The following DIAPH2 variants were observed in gnomAD, a reference collection of about 807,000 sequenced individuals.
The protein encoded by DIAPH2 is diaphanous related formin 2.
In DIAPH2, 35 loss-of-function variants were observed where a neutral mutation model predicts 92.7. The ratio of observed to expected loss-of-function variants is 0.38; its 90% CI spans 0.29 to 0.50. The LOEUF is 0.50. Ranked by LOEUF, DIAPH2 falls within the 20% of genes least tolerant of loss-of-function variation. The probability of loss-of-function intolerance (pLI) is 0.94; values close to 1 mark genes in which losing one functional copy is unlikely to be tolerated. For missense variants in DIAPH2, 701 were observed against 819.5 expected (o/e 0.86, Z 1.77); for synonymous variants, 301 against 280.4 (o/e 1.07, Z -0.73).
chrX:97,180,586 A>C (rs943844051), intron 22 of DIAPH2, among the ~76,000 whole-genome samples: 1 of 111,730 alleles, frequency 9.0e-6, no homozygotes, highest in Non-Finnish European at 1.9e-5. Context: ...GCCCATGCCT[A>C]TGTCCTGAAT....
chrX:97,352,360 C>A (rs917171982), intron 24 of DIAPH2, among the ~76,000 whole-genome samples: 1 of 110,835 alleles, frequency 9.0e-6, no homozygotes, highest in East Asian at 2.8e-4. Context: ...TGAAAGTAAA[C>A]AATTCAAATG....
intron 23 of DIAPH2, among the ~76,000 whole-genome samples, chrX:97,271,438 TGTC>T (rs1345608265): frequency 9.0e-6 from 1 of 111,714 alleles, no homozygotes; most frequent in East Asian, 2.8e-4. Context: ...CCAGAAGAAA[TGTC>T]GTAGTAAAAT....
chrX:97,309,529 T>C (rs2068776534), intron 23 of DIAPH2, among the ~76,000 whole-genome samples: 3 of 112,289 alleles, frequency 2.7e-5, no homozygotes, highest in South Asian at 7.4e-4. Flanking sequence ...CTTTGTCATA[T>C]AAGAACCTAA....
At chrX:97,033,344 G>A (rs1042770957) in intron 17 of DIAPH2, among the ~76,000 whole-genome samples, 3 of 111,351 alleles carry the variant, frequency 2.7e-5, no homozygotes, top group Non-Finnish European at 5.7e-5. Flanking sequence ...AGATAATAGC[G>A]TCAGAGATCA....
chrX:97,229,959 A>G (rs762988874), intron 22 of DIAPH2, among the ~76,000 whole-genome samples: 1 of 108,290 alleles, frequency 9.2e-6, no homozygotes, highest in Non-Finnish European at 1.9e-5. Flanking sequence ...TGTAAGAGCA[A>G]TGCATTAAGA....
intron 17 of DIAPH2, among the ~76,000 whole-genome samples, chrX:97,035,991 G>A (rs1414490813): frequency 9.0e-6 from 1 of 111,356 alleles, no homozygotes; most frequent in Non-Finnish European, 1.9e-5. Context: ...AGGCTTATAG[G>A]AAAAGGAGCC....
intron 14 of DIAPH2, among the ~76,000 whole-genome samples, chrX:96,946,533 A>G (rs1382246092): frequency 1.8e-5 from 2 of 112,221 alleles, no homozygotes; most frequent in Non-Finnish European, 3.8e-5. Flanking sequence ...GGGCATCTGA[A>G]GAAATATCTT....
chrX:97,576,605 G>A (rs2071400971), intron 26 of DIAPH2, among the ~76,000 whole-genome samples: 1 of 111,458 alleles, frequency 9.0e-6, no homozygotes, highest in Non-Finnish European at 1.9e-5. Context: ...ACTGCAGAAT[G>A]TGATATTGAT....
chrX:97,415,412 A>T (rs1161723927), intron 25 of DIAPH2, among the ~76,000 whole-genome samples: 2 of 112,026 alleles, frequency 1.8e-5, no homozygotes, highest in African/African-American at 6.5e-5. Context: ...ACGTTTGTTT[A>T]TTGCAGCACT....
intron 23 of DIAPH2, among the ~76,000 whole-genome samples, chrX:97,345,651 A>G (rs958662395): frequency 1.8e-5 from 2 of 112,250 alleles, no homozygotes; most frequent in Non-Finnish European, 3.8e-5. Context: ...ATTTTTCTAT[A>G]CAATTCCAAG....
At chrX:96,857,782 G>A (rs146426995) in intron 4 of DIAPH2, among the ~76,000 whole-genome samples, 206 of 112,610 alleles carry the variant, frequency 1.8e-3, no homozygotes, top group African/African-American at 6.4e-3. Flanking sequence ...CAGTCACCTA[G>A]CATGAATCTT....
At chrX:97,322,262 T>A (rs1199910540) in intron 23 of DIAPH2, among the ~76,000 whole-genome samples, 4 of 112,486 alleles carry the variant, frequency 3.6e-5, no homozygotes, top group African/African-American at 1.3e-4. Context: ...TCTCTTGAGT[T>A]TATTCTTCTT....
intron 26 of DIAPH2, among the ~76,000 whole-genome samples, chrX:97,447,413 A>G (rs1296512901): frequency 9.1e-6 from 1 of 110,319 alleles, no homozygotes; most frequent in African/African-American, 3.3e-5. Flanking sequence ...GGTCTCGGAG[A>G]TTTTCTTTTT....
intron 22 of DIAPH2, among the ~76,000 whole-genome samples, chrX:97,148,876 C>T (rs1925929): frequency 0.47 from 51,942 of 109,486 alleles, 9,028 homozygotes; most frequent in Non-Finnish European, 0.55. Context: ...TCCCAGTCCA[C>T]ACTTTGCTTC....
intron 21 of DIAPH2, among the ~76,000 whole-genome samples, chrX:97,130,123 A>G (rs1335114237): frequency 8.9e-6 from 1 of 112,394 alleles, no homozygotes; most frequent in Non-Finnish European, 1.9e-5. Flanking sequence ...GTTGGCAAGG[A>G]TGTGGAGAAA....
At chrX:97,354,199 C>T (rs761443484) in intron 24 of DIAPH2, among the ~76,000 whole-genome samples, 1 of 111,561 alleles carries the variant, frequency 9.0e-6, no homozygotes, top group South Asian at 3.8e-4. Context: ...CTCGTCCGGA[C>T]TATAATAATG....
chrX:97,067,646 A>T (rs963713590), intron 17 of DIAPH2, among the ~76,000 whole-genome samples: 4 of 111,847 alleles, frequency 3.6e-5, no homozygotes, highest in Admixed American at 2.9e-4. Flanking sequence ...ATACTCATCC[A>T]TCAACAATAC....
intron 25 of DIAPH2, among the ~76,000 whole-genome samples, chrX:97,423,255 T>C (rs967413800): frequency 8.9e-6 from 1 of 111,737 alleles, no homozygotes; most frequent in African/African-American, 3.3e-5. Context: ...TCTTCCAAGG[T>C]TGTTTTCTGT....
At position 97,051,040 on chromosome X, in the gene DIAPH2, A is replaced by G. The variant is rs541883620; in HGVS notation, c.2051-21901A>G. Among the ~76,000 whole-genome samples the G allele has an allele frequency of 1.4e-4, 16 of 111,791 alleles. No homozygotes were observed. The South Asian group carries it at 5.9e-3, about 41-fold the overall frequency. The stretch of plus-strand genomic sequence containing the variant: ...AGTTAGAACACTATAAATGTAAGTA[A>G]GTTTTTATTCTCATTGTTATTATTG... On this transcript the variant is annotated intron_variant, in intron 17 of 26. Transcript: ENST00000324765.
Sources: allele counts gnomAD v4.1 joint callset (sites outside exome capture counted in the v4.1 genomes callset), GRCh38; gene constraint gnomAD v4.1.1; transcripts MANE v1.5; gene names NCBI Gene and HGNC (gene_info 2026-07-23, HGNC 2026-07-21).